The following ATF6 variants were observed in gnomAD, a reference collection of about 807,000 sequenced individuals.
ATF6 encodes activating transcription factor 6.
ATF6 carries 53 observed loss-of-function variants against 83.6 expected under a neutral mutation model. The ratio of observed to expected loss-of-function variants is 0.63; its 90% CI spans 0.51 to 0.80. The LOEUF (loss-of-function observed/expected upper bound fraction) is 0.80. ATF6 is among the 30% of genes least tolerant of loss of function. The probability of loss-of-function intolerance (pLI) is 0.00; values close to 1 mark genes in which losing one functional copy is unlikely to be tolerated. For missense variants in ATF6, 744 were observed against 797.9 expected (o/e 0.93, Z 0.81); for synonymous variants, 288 against 285.8 (o/e 1.01, Z -0.08).
In ATF6 at chr1:161,915,411, C is replaced by G. The variant is rs115380956; in HGVS notation, c.1804+3031C>G. Among the ~76,000 whole-genome samples, 1,175 of 152,256 alleles carry G rather than the reference C, an allele frequency of 7.7e-3. 16 individuals carry two copies. The highest frequency in any genetic ancestry group is 0.027 in the African/African-American group (1,113 of 41,546). ...TAAAAAAGCTTTAAATAGTACCTGACTATTTTGGGGTTAGCTGCTGTTTTA... is the reference window on the plus strand; with the variant it reads ...TAAAAAAGCTTTAAATAGTACCTGAGTATTTTGGGGTTAGCTGCTGTTTTA... On this transcript the variant is annotated intron_variant, in intron 15 of 15. Transcript: ENST00000367942.
intron 14 of ATF6, among the ~76,000 whole-genome samples, chr1:161,902,424 A>C (rs1687804505): frequency 6.6e-6 from 1 of 152,194 alleles, no homozygotes; most frequent in African/African-American, 2.4e-5. Flanking sequence ...TGGCTGATTC[A>C]TTGTTACTGT....
At chr1:161,860,700 G>C (rs1185904527) in intron 13 of ATF6, among the ~76,000 whole-genome samples, 2 of 151,848 alleles carry the variant, frequency 1.3e-5, no homozygotes, top group Non-Finnish European at 2.9e-5. Context: ...ATAACTAAAA[G>C]TTTATTTTAT....
chr1:161,871,921 T>A (rs1362830822), intron 14 of ATF6, among the ~76,000 whole-genome samples: 1 of 151,612 alleles, frequency 6.6e-6, no homozygotes, highest in East Asian at 1.9e-4. Flanking sequence ...ACTAAGTGAT[T>A]CAATCTAGTG....
chr1:161,775,164 TA>T (rs1230661965), intron 1 of ATF6, among the ~76,000 whole-genome samples: 1 of 152,200 alleles, frequency 6.6e-6, no homozygotes, highest in East Asian at 1.9e-4. Context: ...CATTATAGTG[TA>T]AATACTATGC....
chr1:161,933,137 C>G (rs1465491403), intron 15 of ATF6, among the ~76,000 whole-genome samples: 1 of 152,104 alleles, frequency 6.6e-6, no homozygotes, highest in Non-Finnish European at 1.5e-5. Context: ...GTATGAACAC[C>G]AAAATATGGA....
intron 15 of ATF6, among the ~76,000 whole-genome samples, chr1:161,956,064 T>G (rs1041047464): frequency 6.6e-6 from 1 of 152,170 alleles, no homozygotes; most frequent in Non-Finnish European, 1.5e-5. Flanking sequence ...CTTCTTGATA[T>G]TTAAAGCTTT....
intron 6 of ATF6, among the ~76,000 whole-genome samples, chr1:161,797,826 G>A (rs999286099): frequency 6.6e-6 from 1 of 152,114 alleles, no homozygotes; most frequent in African/African-American, 2.4e-5. Context: ...CTATTCTAAA[G>A]TTCACATGGA....
At chr1:161,894,013 C>T (rs900447078) in intron 14 of ATF6, among the ~76,000 whole-genome samples, 5 of 152,106 alleles carry the variant, frequency 3.3e-5, no homozygotes, top group African/African-American at 1.2e-4. Context: ...TAAGTTGGCT[C>T]TGGAATACTT....
chr1:161,929,947 A>G (rs1199072041), intron 15 of ATF6, among the ~76,000 whole-genome samples: 1 of 152,194 alleles, frequency 6.6e-6, no homozygotes, highest in Non-Finnish European at 1.5e-5. Context: ...AGCAGCCCAC[A>G]TTTGGAGTCA....
intron 15 of ATF6, among the ~76,000 whole-genome samples, chr1:161,920,874 T>C (rs574849890): frequency 8.6e-4 from 131 of 152,274 alleles, no homozygotes; most frequent in Middle Eastern, 3.4e-3. Context: ...ATAAACTGTG[T>C]CAACTATTTA....
intron 2 of ATF6, among the ~76,000 whole-genome samples, chr1:161,778,744 T>A (rs1557955465): frequency 6.6e-6 from 1 of 152,222 alleles, no homozygotes. Flanking sequence ...TGTGTATTCA[T>A]GTAGAAAGCT....
At chr1:161,776,852 T>C (rs772119848) in intron 1 of ATF6, among the ~76,000 whole-genome samples, 1 of 152,202 alleles carries the variant, frequency 6.6e-6, no homozygotes, top group Non-Finnish European at 1.5e-5. Flanking sequence ...TTTAAAGCCG[T>C]GAGCTCAGCT....
intron 15 of ATF6, among the ~76,000 whole-genome samples, chr1:161,941,778 C>A (rs1688649556): frequency 2.0e-5 from 3 of 152,150 alleles, no homozygotes; most frequent in Admixed American, 1.3e-4. Flanking sequence ...AGAAACTTGA[C>A]AAGTTTTTAG....
rs546667022 is a variant in ATF6, at chr1:161,923,213, G to A, written c.1804+10833G>A. Reference sequence around the variant, plus strand: ...CTACTCAAAGATAATTACCTTGAAGGTGGTGGTGTTTTTTTTTTATTTAAC... The same window carrying A: ...CTACTCAAAGATAATTACCTTGAAGATGGTGGTGTTTTTTTTTTATTTAAC... On this transcript the variant is annotated intron_variant, in intron 15 of 15. Transcript: ENST00000367942. Among the ~76,000 whole-genome samples the A allele has an allele frequency of 1.6e-3, 239 of 152,226 alleles. 1 individual carries two copies. The highest frequency in any genetic ancestry group is 6.8e-4 in the Non-Finnish European group (46 of 68,018).
At chr1:161,890,653 TGGTCCTCGATGCTC>T (rs1687530113) in intron 14 of ATF6, among the ~76,000 whole-genome samples, 1 of 152,200 alleles carries the variant, frequency 6.6e-6, no homozygotes, top group African/African-American at 2.4e-5. Context: ...TGCTAACATG[TGGTCCTCGATGCTC>T]TAGCGGATTG....
At chr1:161,781,064 C>T (rs143609375) in intron 2 of ATF6, among the ~76,000 whole-genome samples, 5 of 152,238 alleles carry the variant, frequency 3.3e-5, no homozygotes, top group African/African-American at 9.6e-5. Flanking sequence ...GTCTCTGTGA[C>T]TCCAGACACT....
intron 15 of ATF6, 107 bp downstream of exon 15, chr1:161,912,487 T>G: frequency 3.7e-6 from 2 of 543,950 alleles, no homozygotes; most frequent in South Asian, 9.6e-5. Context: ...TGAGTATATA[T>G]CCGTACATTA....
chr1:161,833,564 A>C (rs1036113582), intron 9 of ATF6, among the ~76,000 whole-genome samples: 6 of 152,200 alleles, frequency 3.9e-5, no homozygotes, highest in Non-Finnish European at 8.8e-5. Context: ...TCCTTAAAGG[A>C]CCTGATGTAG....
intron 10 of ATF6, among the ~76,000 whole-genome samples, chr1:161,849,379 T>C (rs1220236162): frequency 6.6e-6 from 1 of 152,172 alleles, no homozygotes; most frequent in East Asian, 1.9e-4. Context: ...GTTCTATATA[T>C]CCTCTGCTAT....
Sources: allele counts gnomAD v4.1 joint callset (sites outside exome capture counted in the v4.1 genomes callset), GRCh38; gene constraint gnomAD v4.1.1; transcripts MANE v1.5; gene names NCBI Gene and HGNC (gene_info 2026-07-23, HGNC 2026-07-21).